LRP8: variants seen among roughly 807,000 people sequenced by gnomAD.
LRP8 encodes the protein LDL receptor related protein 8.
LRP8 carries 46 observed loss-of-function variants against 111.6 expected under a neutral mutation model. The ratio of observed to expected loss-of-function variants is 0.41; its 90% CI spans 0.33 to 0.53. LRP8 has a LOEUF of 0.53. LRP8 is among the 20% of genes least tolerant of loss of function. LRP8 has a pLI of 0.20. For missense variants in LRP8, 959 were observed against 1,297.4 expected, an observed-to-expected ratio of 0.74 and a Z score of 4.01; for synonymous variants, 464 against 511.2, an observed-to-expected ratio of 0.91 and a Z score of 1.24.
chr1:53,273,699 G>T (rs1646829020), intron 6 of LRP8, among the ~76,000 whole-genome samples: 1 of 152,218 alleles, frequency 6.6e-6, no homozygotes, highest in Non-Finnish European at 1.5e-5. Flanking sequence ...GGCAGAGGGA[G>T]TGTCTATCTC....
Position 53,319,820 on chromosome 1 carries a change from A to C in LRP8, c.244+7053T>G, listed in dbSNP as rs1389556764. 6.6e-5 allele frequency among the ~76,000 whole-genome samples: 10 copies of C among 152,354 alleles called. 1 individual carries two copies. The South Asian group carries it at 2.1e-3, about 32-fold the overall frequency. On this transcript the variant is annotated intron_variant, in intron 2 of 18. Transcript: ENST00000306052. ...CGCCCAAGGGGCTGGGCTGCTCAGG[A>C]GGGAGTTGGCACACCCACTAGCAGG...
Position 53,275,373 on chromosome 1 carries a change from T to C in LRP8, c.1006+258A>G, listed in dbSNP as rs1572510554. On this transcript the variant is annotated intron_variant, in intron 6 of 18. Transcript: ENST00000306052. This position sits in a 1 kb window ranked among gnomAD's most constrained non-coding sequence, Gnocchi z 4.4. ...CACCAGCTGGGACCTGGACAAGTGG[T>C]GGGGGCTGGACTTCCCAAGTGCTCT... 1.3e-5 allele frequency among the ~76,000 whole-genome samples: 2 copies of C among 152,134 alleles called. No individual in the cohort carries two copies. The highest frequency in any genetic ancestry group is 4.8e-5 in the African/African-American group (2 of 41,428).
At chr1:53,298,595 G>A (rs570996461) in intron 2 of LRP8, among the ~76,000 whole-genome samples, 1 of 152,326 alleles carries the variant, frequency 6.6e-6, no homozygotes, top group South Asian at 2.1e-4. Context: ...TAAAGTAGAA[G>A]CTTCCAGAGG....
At chr1:53,300,793 C>G (rs1159459308) in intron 2 of LRP8, among the ~76,000 whole-genome samples, 1 of 152,232 alleles carries the variant, frequency 6.6e-6, no homozygotes, top group Non-Finnish European at 1.5e-5. Flanking sequence ...CCACAAAGCC[C>G]TGCCTGGGTT....
chr1:53,271,220 G>A lies in LRP8; in HGVS notation c.1126+7C>T, dbSNP rs1329315121. 16 of 1,613,886 alleles carry A rather than the reference G, an allele frequency of 9.9e-6. No individual in the cohort carries two copies. Among genetic ancestry groups the A allele is most frequent in the Non-Finnish European group, 1.4e-5 (16 of 1,179,982 alleles). On this transcript the variant is annotated splice_region_variant and intron_variant, in intron 7 of 18. Coordinates refer to ENST00000306052, the MANE Select transcript of LRP8 (RefSeq NM_004631.5). The stretch of plus-strand genomic sequence containing the variant: ...CTTCTGCTTGGGGGTGTGGGAGAAG[G>A]TCTCACCGCCACAGGTCTTCTGGTC...
chr1:53,243,766 G>C lies in LRP8; in HGVS notation c.*3252C>G, dbSNP rs1043463687. 3 of 152,098 alleles carry C rather than the reference G, an allele frequency of 2.0e-5. No individual in the cohort carries two copies. Among genetic ancestry groups the C allele is most frequent in the Non-Finnish European group, 4.4e-5 (3 of 68,026 alleles). The allele number at this position is 152,098 out of a possible 1,614,324, so 9.4% of individuals were successfully genotyped here. On this transcript the variant is annotated 3_prime_UTR_variant, in exon 19 of 19. Coordinates refer to ENST00000306052, the MANE Select transcript of LRP8 (RefSeq NM_004631.5). The stretch of plus-strand genomic sequence containing the variant: ...CCCCTTCTTAATTTTTAAGACTTAA[G>C]GTCACTTCTATGATGACCCTATTCC...
At chr1:53,309,979 C>T (rs888989415) in intron 2 of LRP8, among the ~76,000 whole-genome samples, 1 of 152,122 alleles carries the variant, frequency 6.6e-6, no homozygotes, top group African/African-American at 2.4e-5. Context: ...GGAGTCCCCA[C>T]GCCCCCAGCC....
Position 53,327,949 on chromosome 1 carries a change from C to T in LRP8, c.-37G>A, listed in dbSNP as rs1275513337. ...GGCTCCGGCCGCCGCGCCCCGCGCT[C>T]CCCGCGCCGCCGCCGCCGCGTCTCA... On this transcript the variant is annotated 5_prime_UTR_variant, in exon 1 of 19. Coordinates refer to ENST00000306052, the MANE Select transcript of LRP8 (RefSeq NM_004631.5). 1.1e-5 allele frequency: 12 copies of T among 1,099,758 alleles called. No homozygotes were observed. Among genetic ancestry groups the T allele is most frequent in the African/African-American group, 1.7e-5 (1 of 59,692 alleles). The allele number at this position is 1,099,758 out of a possible 1,614,324, so 68.1% of individuals were successfully genotyped here. A position where few individuals can be genotyped will look rare whatever the true frequency, so the allele number is the denominator to read the frequency against.
chr1:53,284,433 G>A (rs921933079), intron 3 of LRP8, among the ~76,000 whole-genome samples: 1 of 152,262 alleles, frequency 6.6e-6, no homozygotes, highest in South Asian at 2.1e-4. Context: ...GCAGGCGAGA[G>A]ACCGAGCCTG....
chr1:53,319,703 G>T (rs1470093157), intron 2 of LRP8, among the ~76,000 whole-genome samples: 1 of 152,240 alleles, frequency 6.6e-6, no homozygotes, highest in East Asian at 1.9e-4. Flanking sequence ...GATTACTGGA[G>T]TCTATGACAT....
chr1:53,301,549 C>T (rs983046250), intron 2 of LRP8, among the ~76,000 whole-genome samples: 1 of 152,058 alleles, frequency 6.6e-6, no homozygotes, highest in African/African-American at 2.4e-5. Flanking sequence ...TGGTGAAACC[C>T]CATCTCTACA....
chr1:53,264,735 G>T (rs989046894), intron 9 of LRP8, among the ~76,000 whole-genome samples: 1 of 152,204 alleles, frequency 6.6e-6, no homozygotes, highest in Admixed American at 6.5e-5. Context: ...AGGCTTTATA[G>T]TTGAGTCCTG....
chr1:53,274,878 G>A (rs1394603767), intron 6 of LRP8: 1 of 454,998 alleles, frequency 2.2e-6, no homozygotes, highest in Non-Finnish European at 4.4e-6. Context: ...AAGAAGGGCT[G>A]GGCTGGGGCC....
rs542123194 is a variant in LRP8, at chr1:53,248,807, A to G, written c.2853+573T>C. On this transcript the variant is annotated intron_variant, in intron 18 of 18. Transcript: ENST00000306052. ...TGAGTCATTTCTTTCTCTGGAAATA[A>G]TGTCACTTTACATGTGCAGAGTGCT... 3.3e-5 allele frequency among the ~76,000 whole-genome samples: 5 copies of G among 152,352 alleles called. No individual in the cohort carries two copies. The South Asian group carries it at 1.0e-3, about 32-fold the overall frequency.
intron 3 of LRP8, among the ~76,000 whole-genome samples, chr1:53,284,953 C>A (rs1484424406): frequency 1.3e-5 from 2 of 152,114 alleles, no homozygotes. Context: ...CCTGTCTCTC[C>A]TGGAACCTCA....
At chr1:53,277,852 C>T (rs1005724951) in intron 4 of LRP8, among the ~76,000 whole-genome samples, 1 of 152,200 alleles carries the variant, frequency 6.6e-6, no homozygotes, top group Non-Finnish European at 1.5e-5. Flanking sequence ...CCCAAGAATC[C>T]ACACTGCCTG....
intron 2 of LRP8, among the ~76,000 whole-genome samples, chr1:53,312,350 G>A (rs1653156220): frequency 6.6e-6 from 1 of 152,212 alleles, no homozygotes; most frequent in Non-Finnish European, 1.5e-5. Context: ...AGGTGAGGAA[G>A]AAATCAGTCT....
intron 2 of LRP8, among the ~76,000 whole-genome samples, chr1:53,321,689 G>A (rs1557873331): frequency 6.6e-6 from 1 of 151,420 alleles, no homozygotes; most frequent in East Asian, 2.2e-4. Flanking sequence ...GACTCACACC[G>A]GGGAATGCTG....
In LRP8 at chr1:53,303,500, C is replaced by T. The variant is rs953225040; in HGVS notation, c.245-13811G>A. ...AAGACCCAGTCAGGAACAAAACTGCCGCTGAAGAGACTGGAGGAATCATAA... is the reference window on the plus strand; with the variant it reads ...AAGACCCAGTCAGGAACAAAACTGCTGCTGAAGAGACTGGAGGAATCATAA... On this transcript the variant is annotated intron_variant, in intron 2 of 18. Coordinates refer to ENST00000306052, the MANE Select transcript of LRP8 (RefSeq NM_004631.5). This position sits in a 1 kb window ranked among gnomAD's most constrained non-coding sequence, Gnocchi z 4.3. Among the ~76,000 whole-genome samples, 1 of 152,234 alleles carries T rather than the reference C, an allele frequency of 6.6e-6. No individual in the cohort carries two copies. The highest frequency in any genetic ancestry group is 2.4e-5 in the African/African-American group (1 of 41,460).
Sources: allele counts gnomAD v4.1 joint callset (sites outside exome capture counted in the v4.1 genomes callset), GRCh38; gene constraint gnomAD v4.1.1; non-coding constraint Gnocchi (gnomAD v3.1); transcripts MANE v1.5; gene names NCBI Gene and HGNC (gene_info 2026-07-23, HGNC 2026-07-21).